The following MAGI2 variants were observed in gnomAD, a reference collection of about 807,000 sequenced individuals.
MAGI2 encodes membrane associated guanylate kinase, WW and PDZ domain containing 2, also known as membrane-associated guanylate kinase, WW and PDZ domain-containing protein 2.
In MAGI2, 35 loss-of-function variants were observed where a neutral mutation model predicts 133.3. That is an observed-to-expected ratio of 0.26 (90% CI 0.20 to 0.35). The LOEUF (loss-of-function observed/expected upper bound fraction) is 0.35. MAGI2 is among the 10% of genes least tolerant of loss of function. MAGI2 has a pLI of 1.00. For missense variants in MAGI2, 1,636 were observed against 1,863.4 expected (o/e 0.88, Z 2.25); for synonymous variants, 729 against 710.6 (o/e 1.03, Z -0.41).
intron 3 of MAGI2, among the ~76,000 whole-genome samples, chr7:78,604,286 T>C (rs1805554838): frequency 6.6e-6 from 1 of 152,172 alleles, no homozygotes; most frequent in Admixed American, 6.5e-5. Context: ...TTTGAAGAAC[T>C]GGGAGCAGGT....
intron 21 of MAGI2, 168 bp downstream of exon 21, chr7:78,078,779 T>G: frequency 1.5e-6 from 1 of 677,024 alleles, no homozygotes. Flanking sequence ...AACATACGTG[T>G]GTGTGTGTAT....
chr7:79,275,993 T>A (rs569866613), intron 1 of MAGI2, among the ~76,000 whole-genome samples: 1 of 152,296 alleles, frequency 6.6e-6, no homozygotes, highest in East Asian at 1.9e-4. Flanking sequence ...CTGATGGAGA[T>A]CTATAAGGAG....
At chr7:78,822,602 A>G (rs1178242558) in intron 2 of MAGI2, among the ~76,000 whole-genome samples, 1 of 152,190 alleles carries the variant, frequency 6.6e-6, no homozygotes, top group African/African-American at 2.4e-5. Flanking sequence ...AGTTTCACAG[A>G]CATATGCTCA....
At chr7:78,938,503 T>C (rs1584449009) in intron 2 of MAGI2, among the ~76,000 whole-genome samples, 1 of 152,124 alleles carries the variant, frequency 6.6e-6, no homozygotes, top group East Asian at 1.9e-4. Context: ...AATTTTCTGG[T>C]ATCACCAGAA....
At chr7:79,075,948 C>T (rs1815424497) in intron 1 of MAGI2, among the ~76,000 whole-genome samples, 1 of 152,062 alleles carries the variant, frequency 6.6e-6, no homozygotes, top group Non-Finnish European at 1.5e-5. Flanking sequence ...TAATATGATA[C>T]TTTAAAAAAA....
At chr7:78,944,776 G>A (rs1365077910) in intron 2 of MAGI2, among the ~76,000 whole-genome samples, 1 of 151,752 alleles carries the variant, frequency 6.6e-6, no homozygotes, top group Non-Finnish European at 1.5e-5. Flanking sequence ...TGGCTCTGCT[G>A]TCCAGGCTGG....
At chr7:79,035,848 C>T (rs1383784434) in intron 1 of MAGI2, among the ~76,000 whole-genome samples, 1 of 152,086 alleles carries the variant, frequency 6.6e-6, no homozygotes, top group Non-Finnish European at 1.5e-5. Context: ...ATTCACAATC[C>T]TGTAAATTGA....
intron 2 of MAGI2, among the ~76,000 whole-genome samples, chr7:78,722,079 T>A (rs1820327105): frequency 2.0e-5 from 3 of 151,232 alleles, no homozygotes; most frequent in Admixed American, 2.0e-4. Flanking sequence ...ATAAAAGGTA[T>A]GACTCTTTAA....
At chr7:78,827,557 C>T (rs767701899) in intron 2 of MAGI2, among the ~76,000 whole-genome samples, 2 of 152,126 alleles carry the variant, frequency 1.3e-5, no homozygotes, top group Non-Finnish European at 2.9e-5. Flanking sequence ...GAATACATGG[C>T]GGCTCACCAT....
chr7:78,741,750 A>G (rs1471560291), intron 2 of MAGI2, among the ~76,000 whole-genome samples: 1 of 152,082 alleles, frequency 6.6e-6, no homozygotes, highest in African/African-American at 2.4e-5. Context: ...ACTATACTAG[A>G]GTTGTTTAAA....
chr7:79,190,463 T>G (rs1827553729), intron 1 of MAGI2, among the ~76,000 whole-genome samples: 1 of 151,932 alleles, frequency 6.6e-6, no homozygotes, highest in African/African-American at 2.4e-5. Context: ...ATTTTTAAAC[T>G]GGTTTATTTG....
chr7:79,123,898 C>G (rs891011106), intron 1 of MAGI2, among the ~76,000 whole-genome samples: 1 of 149,328 alleles, frequency 6.7e-6, no homozygotes, highest in African/African-American at 2.5e-5. Flanking sequence ...TTTTAGTTGT[C>G]TTATTTGTTG....
chr7:78,061,446 ACACACACACACG>A (rs1813260676), intron 21 of MAGI2, among the ~76,000 whole-genome samples: 1 of 131,848 alleles, frequency 7.6e-6, no homozygotes, highest in Admixed American at 7.4e-5. Context: ...ACACACACAC[ACACACACACACG>A]AGTGGGGAAG....
At chr7:78,825,722 C>T (rs1253218737) in intron 2 of MAGI2, among the ~76,000 whole-genome samples, 4 of 152,142 alleles carry the variant, frequency 2.6e-5, no homozygotes, top group African/African-American at 9.7e-5. Flanking sequence ...TCCTCATTTA[C>T]CTTTTCTGAA....
intron 1 of MAGI2, among the ~76,000 whole-genome samples, chr7:79,407,080 C>G (rs570291386): frequency 6.6e-6 from 1 of 152,110 alleles, no homozygotes; most frequent in Non-Finnish European, 1.5e-5. Context: ...AAAACACATA[C>G]ATTTTACTAA....
intron 2 of MAGI2, among the ~76,000 whole-genome samples, chr7:78,674,757 G>C (rs1455285288): frequency 6.6e-6 from 1 of 152,100 alleles, no homozygotes; most frequent in East Asian, 1.9e-4. Flanking sequence ...AGGCCCAAGA[G>C]AGCCTATTTT....
intron 1 of MAGI2, among the ~76,000 whole-genome samples, chr7:79,093,603 G>T (rs942405753): frequency 6.6e-6 from 1 of 151,974 alleles, no homozygotes; most frequent in Non-Finnish European, 1.5e-5. Flanking sequence ...TGGTTAGAGA[G>T]TCTTGCCTCA....
chr7:79,390,606 G>T (rs576751555), intron 1 of MAGI2, among the ~76,000 whole-genome samples: 143 of 152,196 alleles, frequency 9.4e-4, no homozygotes, highest in Non-Finnish European at 2.6e-4. Context: ...TCGAGAGGAG[G>T]TGAAGAAATT....
intron 2 of MAGI2, among the ~76,000 whole-genome samples, chr7:78,806,867 CAAAAT>C (rs150570172): frequency 0.55 from 70,522 of 127,804 alleles, 19,924 homozygotes; most frequent in East Asian, 0.77. Flanking sequence ...CACCCTGTCT[CAAAAT>C]AAAATAAAAT....
Sources: gnomAD v4.1 joint callset for allele counts (sites outside exome capture counted in the v4.1 genomes callset) on GRCh38, gnomAD v4.1.1 for gene constraint, MANE v1.5 for transcripts, NCBI Gene and HGNC (gene_info 2026-07-23, HGNC 2026-07-21) for gene names.